The following ODR4 variants were observed in gnomAD, a reference collection of about 807,000 sequenced individuals.
ODR4 encodes the protein protein odr-4 homolog.
In ODR4, 47 loss-of-function variants were observed where a neutral mutation model predicts 60.2. That is an observed-to-expected ratio of 0.78 (90% CI 0.62 to 1.00). ODR4 has a LOEUF of 1.00. Ranked by LOEUF, ODR4 falls within the 50% of genes least tolerant of loss-of-function variation. The probability of loss-of-function intolerance (pLI) is 0.00; values close to 1 mark genes in which losing one functional copy is unlikely to be tolerated. For missense variants in ODR4, 488 were observed against 530.8 expected (o/e 0.92, Z 0.79); for synonymous variants, 178 against 175.5 (o/e 1.01, Z -0.11).
At position 186,419,010 on chromosome 1, in the gene ODR4, T is replaced by G; in HGVS notation, c.1299T>G (p.Gly433=). The G allele has an allele frequency of 6.2e-7, 1 of 1,605,060 alleles. No homozygotes were observed. The highest frequency in any genetic ancestry group is 8.5e-7 in the Non-Finnish European group (1 of 1,175,192). The part of the protein sequence containing the change: ...TMLLKIQQNI[G]VIAAFTVAVL... ...GTTCTGTGTTTGTTTTACTTTTAGG[T>G]GTGATTGCAGCATTTACAGTTGCAG... Residue 433 remains glycine, a splice_region_variant and synonymous_variant, in exon 14 of 14, where the codon GGT becomes GGG. Coordinates refer to ENST00000287859, the MANE Select transcript of ODR4 (RefSeq NM_017847.6).
intron 12 of ODR4, among the ~76,000 whole-genome samples, chr1:186,416,667 G>C (rs953833873): frequency 1.3e-5 from 2 of 151,750 alleles, no homozygotes; most frequent in African/African-American, 4.8e-5. Context: ...GCAAGACTCT[G>C]TCTCAAATAA....
chr1:186,406,147 A>G lies in ODR4; in HGVS notation c.1065A>G (p.Val355=), dbSNP rs1365768240. The change falls in exon 12 of 14, where the codon GTA becomes GTG. Residue 355 remains valine, a synonymous_variant. Transcript: ENST00000287859. ...RVFVPLPGST[V]MLCDYKFDDE... ...TTGTTCCCCTTCCTGGATCCACTGT[A>G]ATGTTGTGTGATTATAAATTTGACG... The G allele has an allele frequency of 6.2e-7, 1 of 1,612,266 alleles. No homozygotes were observed. Among genetic ancestry groups the G allele is most frequent in the South Asian group, 1.1e-5 (1 of 90,742 alleles).
intron 9 of ODR4, among the ~76,000 whole-genome samples, chr1:186,397,914 G>A (rs1004821573): frequency 1.3e-5 from 2 of 152,090 alleles, no homozygotes; most frequent in African/African-American, 4.8e-5. Context: ...CTTTGTATTT[G>A]TTATTGTGAA....
In ODR4 at chr1:186,399,909, A is replaced by T. The variant is rs187959329; in HGVS notation, c.1000+865A>T. 2.5e-4 allele frequency among the ~76,000 whole-genome samples: 38 copies of T among 151,656 alleles called. No individual in the cohort carries two copies. The East Asian group carries it at 6.0e-3, about 24-fold the overall frequency. ...CCATCGCAGTAATCTGTATTAAAAA[A>T]TTTTTTTAATCAAAAGCAAGTTAAA... On this transcript the variant is annotated intron_variant, in intron 11 of 13. Transcript: ENST00000287859.
At chr1:186,396,930 C>T (rs1660704539) in intron 9 of ODR4, among the ~76,000 whole-genome samples, 1 of 152,112 alleles carries the variant, frequency 6.6e-6, no homozygotes, top group South Asian at 2.1e-4. Flanking sequence ...GTTACTCCTC[C>T]TCCAACCCCA....
intron 5 of ODR4, among the ~76,000 whole-genome samples, chr1:186,389,097 A>G (rs780955423): frequency 6.6e-6 from 1 of 152,058 alleles, no homozygotes; most frequent in Non-Finnish European, 1.5e-5. Flanking sequence ...CGATCCATGG[A>G]CTTCCAAAGA....
intron 5 of ODR4, 97 bp downstream of exon 5, chr1:186,388,645 A>T (rs1337943902): frequency 4.6e-6 from 3 of 649,076 alleles, no homozygotes; most frequent in African/African-American, 3.8e-5. Flanking sequence ...CATTTAAAAA[A>T]TAGGCATAGT....
the ODR4 span, among the ~76,000 whole-genome samples, chr1:186,428,943 A>G: frequency 6.6e-6 from 1 of 152,198 alleles, no homozygotes; most frequent in African/African-American, 2.4e-5. Context: ...ATTACAGATC[A>G]CTGTAACAGA....
chr1:186,411,985 T>C (rs575366109), intron 12 of ODR4: 39 of 242,028 alleles, frequency 1.6e-4, no homozygotes, highest in African/African-American at 7.2e-4. Context: ...TTGAAGATAC[T>C]TCAGTATGGT....
At chr1:186,428,275 G>A in the ODR4 span, among the ~76,000 whole-genome samples, 5 of 152,294 alleles carry the variant, frequency 3.3e-5, no homozygotes, top group African/African-American at 4.8e-5. Context: ...ATAACTTGCT[G>A]CAGCTTCTAC....
chr1:186,398,136 A>C (rs1484878723), intron 9 of ODR4, among the ~76,000 whole-genome samples, 177 bp from the exon 10 acceptor site: 1 of 152,222 alleles, frequency 6.6e-6, no homozygotes, highest in Non-Finnish European at 1.5e-5. Flanking sequence ...GGAAAATAAT[A>C]TATAACTTAT....
chr1:186,402,892 A>G (rs900600243), intron 11 of ODR4, among the ~76,000 whole-genome samples: 6 of 152,106 alleles, frequency 3.9e-5, no homozygotes, highest in African/African-American at 1.4e-4. Flanking sequence ...CCATTTTCTT[A>G]TATATAAAAT....
chr1:186,424,839 C>T (rs890751993), downstream of ODR4, among the ~76,000 whole-genome samples: 1 of 151,820 alleles, frequency 6.6e-6, no homozygotes, highest in African/African-American at 2.4e-5. Context: ...GAAGCAGCAT[C>T]CCAAGTATAA....
rs1414665753 is a variant in ODR4 at position 186,419,946 on chromosome 1, CAT to C, written c.*872_*873del. The C allele has an allele frequency of 6.6e-6, 1 of 152,010 alleles. No homozygotes were observed. Among genetic ancestry groups the C allele is most frequent in the Non-Finnish European group, 1.5e-5 (1 of 67,990 alleles). 9.4% of individuals were successfully genotyped at this position (152,010 alleles called of 1,614,324 possible). A position where few individuals can be genotyped will look rare whatever the true frequency, so the allele number is the denominator to read the frequency against. Reference sequence around the variant, plus strand: ...GAGAAGTCCCATTAGTAAGAAATGACATAAAATACGTGCTTTCTCAGGTTACT... The same window carrying C: ...GAGAAGTCCCATTAGTAAGAAATGACAAAATACGTGCTTTCTCAGGTTACT... On this transcript the variant is annotated 3_prime_UTR_variant, in exon 14 of 14. Coordinates refer to ENST00000287859, the MANE Select transcript of ODR4 (RefSeq NM_017847.6).
At chr1:186,377,165 A>G (rs1394841638) in intron 1 of ODR4, among the ~76,000 whole-genome samples, 1 of 152,184 alleles carries the variant, frequency 6.6e-6, no homozygotes, top group African/African-American at 2.4e-5. Context: ...TAAATGCTAT[A>G]GTTGTTATAT....
chr1:186,405,340 T>C (rs968752517), intron 11 of ODR4, among the ~76,000 whole-genome samples: 2 of 152,098 alleles, frequency 1.3e-5, no homozygotes, highest in Non-Finnish European at 2.9e-5. Context: ...GCACTAGATG[T>C]AAGGTGGCCA....
intron 5 of ODR4, 41 bp downstream of exon 5, chr1:186,388,589 CA>C: frequency 9.0e-7 from 1 of 1,117,138 alleles, no homozygotes; most frequent in Non-Finnish European, 1.2e-6. Flanking sequence ...TACAAAGTAC[CA>C]AAATAATATT....
chr1:186,388,773 A>T (rs1660345535), intron 5 of ODR4, among the ~76,000 whole-genome samples: 1 of 152,144 alleles, frequency 6.6e-6, no homozygotes, highest in African/African-American at 2.4e-5. Flanking sequence ...AATATGAAAG[A>T]CTCAGGATTC....
intron 12 of ODR4, among the ~76,000 whole-genome samples, chr1:186,408,004 AC>A (rs1039461616): frequency 1.3e-5 from 2 of 152,064 alleles, no homozygotes; most frequent in African/African-American, 2.4e-5. Context: ...GAAATATGTT[AC>A]CCTGACGAAG....
Sources: gnomAD v4.1 joint callset for allele counts (sites outside exome capture counted in the v4.1 genomes callset) on GRCh38, gnomAD v4.1.1 for gene constraint, MANE v1.5 for transcripts, NCBI Gene and HGNC (gene_info 2026-07-23, HGNC 2026-07-21) for gene names.